The following SEC11C variants were observed in gnomAD, a reference collection of about 807,000 sequenced individuals.
SEC11C encodes signal peptidase complex catalytic subunit SEC11C.
Under a neutral mutation model 21.9 loss-of-function variants are expected in SEC11C, and 10 were observed. The ratio of observed to expected loss-of-function variants is 0.46; its 90% CI spans 0.28 to 0.77. SEC11C has a LOEUF of 0.77. Ranked by LOEUF, SEC11C falls within the 30% of genes least tolerant of loss-of-function variation. SEC11C has a pLI of 0.12. For missense variants in SEC11C, 145 were observed against 244.5 expected (o/e 0.59, Z 2.71); for synonymous variants, 83 against 85.6 (o/e 0.97, Z 0.17).
intron 1 of SEC11C, among the ~76,000 whole-genome samples, chr18:59,142,536 G>C (rs1487249512): frequency 1.3e-5 from 2 of 152,180 alleles, no homozygotes; most frequent in Non-Finnish European, 2.9e-5. Flanking sequence ...GGAGGTTTTT[G>C]AATGTAAATT....
At chr18:59,144,416 T>A (rs11152127) in intron 1 of SEC11C, among the ~76,000 whole-genome samples, 2 of 151,956 alleles carry the variant, frequency 1.3e-5, no homozygotes, top group East Asian at 1.9e-4. Flanking sequence ...ACAACAACAA[T>A]AAAAAAACCA....
At chr18:59,154,871 G>T (rs2069401979) in intron 3 of SEC11C, among the ~76,000 whole-genome samples, 1 of 152,176 alleles carries the variant, frequency 6.6e-6, no homozygotes, top group Non-Finnish European at 1.5e-5. Context: ...TTCTAGACCA[G>T]CCTGGCCAAC....
intron 1 of SEC11C, among the ~76,000 whole-genome samples, chr18:59,140,495 G>A (rs2069197426): frequency 6.6e-6 from 1 of 152,222 alleles, no homozygotes; most frequent in African/African-American, 2.4e-5. Flanking sequence ...GTCCAGCGAT[G>A]CCTCCCAAAG....
intron 5 of SEC11C, 126 bp from the exon 6 acceptor site, chr18:59,158,506 G>C (rs967405338): frequency 1.6e-5 from 12 of 752,378 alleles, no homozygotes; most frequent in African/African-American, 1.4e-4. Flanking sequence ...AACAAGCCAT[G>C]GGGGGAAGAG....
chr18:59,143,787 C>T (rs555697844), intron 1 of SEC11C, among the ~76,000 whole-genome samples: 4 of 152,234 alleles, frequency 2.6e-5, no homozygotes, highest in Admixed American at 2.0e-4. Flanking sequence ...CAACCCAACC[C>T]GCTTTCTCCT....
intron 3 of SEC11C, 71 bp downstream of exon 3, chr18:59,152,756 A>C: frequency 7.5e-7 from 1 of 1,331,798 alleles, no homozygotes; most frequent in South Asian, 1.4e-5. Flanking sequence ...ATTAGAAACT[A>C]GTAAAAGCAC....
intron 1 of SEC11C, among the ~76,000 whole-genome samples, chr18:59,145,419 TTAAAGGTGGATG>T (rs1175367700): frequency 4.1e-4 from 63 of 152,288 alleles, no homozygotes; most frequent in Middle Eastern, 6.8e-3. Context: ...ACACTGACAT[TTAAAGGTGGATG>T]TAAAGGTGAG....
At chr18:59,147,912 T>C (rs1440627474) in intron 1 of SEC11C, 1 of 152,014 alleles carries the variant, frequency 6.6e-6, no homozygotes, top group Non-Finnish European at 1.5e-5. Context: ...AAAACAGAAG[T>C]GAGGGGTGAA....
intron 1 of SEC11C, among the ~76,000 whole-genome samples, chr18:59,142,640 T>G (rs2069225365): frequency 6.6e-6 from 1 of 152,248 alleles, no homozygotes; most frequent in Non-Finnish European, 1.5e-5. Context: ...AATCTCAATA[T>G]TTATTGAATG....
intron 1 of SEC11C, 100 bp downstream of exon 1, chr18:59,140,135 C>T (rs753612703): frequency 2.0e-4 from 221 of 1,124,238 alleles, no homozygotes; most frequent in Non-Finnish European, 2.4e-4. Context: ...GTGAATGCGG[C>T]CGGGCGGCCA....
At chr18:59,150,793 C>T (rs1367027544) in intron 2 of SEC11C, among the ~76,000 whole-genome samples, 2 of 151,846 alleles carry the variant, frequency 1.3e-5, no homozygotes, top group Non-Finnish European at 2.9e-5. Flanking sequence ...TTTAGATGGA[C>T]CCTCTCCCTT....
chr18:59,157,390 C>A, intron 4 of SEC11C: 1 of 447,318 alleles, frequency 2.2e-6, no homozygotes. Context: ...CTATCTCAAC[C>A]CAAGTGCCTA....
chr18:59,140,812 G>T (rs552377152), intron 1 of SEC11C, among the ~76,000 whole-genome samples: 1 of 152,224 alleles, frequency 6.6e-6, no homozygotes, highest in East Asian at 1.9e-4. Context: ...TGTCTTTGGG[G>T]CCTTATCTCT....
At chr18:59,151,600 A>T (rs542779382) in intron 2 of SEC11C, among the ~76,000 whole-genome samples, 16 of 152,170 alleles carry the variant, frequency 1.1e-4, no homozygotes, top group Non-Finnish European at 2.4e-4. Context: ...GCACCTGCTG[A>T]GATGTTCAAG....
chr18:59,142,292 C>G (rs1191855911), intron 1 of SEC11C, among the ~76,000 whole-genome samples: 1 of 152,130 alleles, frequency 6.6e-6, no homozygotes, highest in Non-Finnish European at 1.5e-5. Context: ...TTTGCTTTCC[C>G]TTAATGAACT....
chr18:59,145,891 T>C (rs1457168732), intron 1 of SEC11C, among the ~76,000 whole-genome samples: 1 of 152,228 alleles, frequency 6.6e-6, no homozygotes, highest in Admixed American at 6.5e-5. Flanking sequence ...GCTGCACAGG[T>C]TTCTAGCCTA....
At chr18:59,146,039 T>A (rs1193924574) in intron 1 of SEC11C, among the ~76,000 whole-genome samples, 1 of 152,206 alleles carries the variant, frequency 6.6e-6, no homozygotes, top group Non-Finnish European at 1.5e-5. Flanking sequence ...TGTCATGAAG[T>A]GGCGCATGAC....
intron 5 of SEC11C, among the ~76,000 whole-genome samples, chr18:59,158,038 A>G (rs911124805): frequency 3.2e-4 from 48 of 152,080 alleles, no homozygotes; most frequent in African/African-American, 9.9e-4. Context: ...ATACACACAC[A>G]TATATGTATA....
intron 1 of SEC11C, among the ~76,000 whole-genome samples, chr18:59,141,205 A>C (rs11874688): frequency 0.3 from 45,146 of 151,890 alleles, 7,017 homozygotes; most frequent in East Asian, 0.45. Flanking sequence ...GTAGTGTGGG[A>C]AAGTTTGATA....
Sources: gnomAD v4.1 joint callset for allele counts (sites outside exome capture counted in the v4.1 genomes callset) on GRCh38, gnomAD v4.1.1 for gene constraint, MANE v1.5 for transcripts, NCBI Gene and HGNC (gene_info 2026-07-23, HGNC 2026-07-21) for gene names.